Variants in PLCB1 observed in about 807,000 individuals in gnomAD.
The protein encoded by PLCB1 is 1-phosphatidylinositol 4,5-bisphosphate phosphodiesterase beta-1.
A neutral mutation model predicts 161.8 loss-of-function variants in PLCB1; 46 were observed. The observed-to-expected ratio is 0.28, with a 90% confidence interval of 0.22 to 0.36. PLCB1 has a LOEUF of 0.36. Among genes scored for constraint, PLCB1 ranks in the 10% least tolerant of loss-of-function variants. The pLI is 1.00. For missense variants in PLCB1, 1,016 were observed against 1,472.5 expected, an observed-to-expected ratio of 0.69 and a Z score of 5.07; for synonymous variants, 517 against 503.7, an observed-to-expected ratio of 1.03 and a Z score of -0.35.
chr20:8,668,779 G>C (rs1196057802), intron 9 of PLCB1, among the ~76,000 whole-genome samples: 1 of 152,170 alleles, frequency 6.6e-6, no homozygotes, highest in Non-Finnish European at 1.5e-5. Context: ...CAGCCCAGCT[G>C]TATCTCCTGG....
chr20:8,762,917 C>T (rs1031452242), intron 25 of PLCB1, among the ~76,000 whole-genome samples: 1 of 152,104 alleles, frequency 6.6e-6, no homozygotes, highest in African/African-American at 2.4e-5. Context: ...TTGATAGTTT[C>T]AAATATTTAT....
intron 3 of PLCB1, among the ~76,000 whole-genome samples, chr20:8,618,887 A>G (rs1042500336): frequency 2.0e-5 from 3 of 152,192 alleles, no homozygotes; most frequent in Non-Finnish European, 2.9e-5. Flanking sequence ...ATTTTTATGT[A>G]TTATAGAATA....
intron 3 of PLCB1, among the ~76,000 whole-genome samples, chr20:8,541,614 A>G (rs865905570): frequency 6.6e-6 from 1 of 152,306 alleles, no homozygotes; most frequent in South Asian, 2.1e-4. Flanking sequence ...GAAAGGAAGG[A>G]AGATAGTAAT....
chr20:8,685,778 A>G lies in PLCB1; in HGVS notation c.1009+700A>G, dbSNP rs538806738. On this transcript the variant is annotated intron_variant, in intron 10 of 31. Transcript: ENST00000338037. ...GAATTAAGTAATTGCTTTTTGTTCA[A>G]GGTAGGACAGGGCTTTAGACAAAAA... Among the ~76,000 whole-genome samples the G allele has an allele frequency of 1.5e-4, 23 of 152,146 alleles. 1 individual carries two copies. In the South Asian group the frequency reaches 4.6e-3, roughly 30 times the overall value.
Position 8,767,869 on chromosome 20 carries a change from T to A in PLCB1, c.2930+2511T>A, listed in dbSNP as rs542216584. The stretch of plus-strand genomic sequence containing the variant: ...ACAATAAAAATGTATTTTCTCACAG[T>A]TTTGGAGGCTAGGAATTCAAAATCA... On this transcript the variant is annotated intron_variant, in intron 26 of 31. Transcript: ENST00000338037. Among the ~76,000 whole-genome samples, 4 of 152,228 alleles carry A rather than the reference T, an allele frequency of 2.6e-5. No individual in the cohort carries two copies. The South Asian group carries it at 8.3e-4, about 32-fold the overall frequency.
chr20:8,658,794 G>A (rs1989541356), intron 9 of PLCB1, 90 bp downstream of exon 9: 2 of 1,115,232 alleles, frequency 1.8e-6, no homozygotes, highest in African/African-American at 1.6e-5. Context: ...GTGATCGTTA[G>A]GTTAGTTTCC....
chr20:8,490,750 A>G (rs981316452), intron 3 of PLCB1, among the ~76,000 whole-genome samples: 65 of 151,920 alleles, frequency 4.3e-4, no homozygotes, highest in African/African-American at 1.5e-3. Context: ...TCTAGTGCTT[A>G]TTTGCCATCC....
intron 2 of PLCB1, among the ~76,000 whole-genome samples, chr20:8,155,103 T>G (rs1313738667): frequency 6.6e-6 from 1 of 152,214 alleles, no homozygotes; most frequent in African/African-American, 2.4e-5. Context: ...CTACCTGGTT[T>G]GGATGGCCCA....
At chr20:8,269,338 G>C (rs2123259887) in intron 2 of PLCB1, among the ~76,000 whole-genome samples, 1 of 151,914 alleles carries the variant, frequency 6.6e-6, no homozygotes, top group South Asian at 2.1e-4. Context: ...TGCAGTGTTT[G>C]GTTTTTCGTT....
At chr20:8,377,800 T>C (rs1412573294) in intron 3 of PLCB1, among the ~76,000 whole-genome samples, 1 of 152,016 alleles carries the variant, frequency 6.6e-6, no homozygotes, top group African/African-American at 2.4e-5. Flanking sequence ...CAGAATTTGG[T>C]TCTGGATATT....
chr20:8,261,798 TTTC>T lies in PLCB1; in HGVS notation c.178-109578_178-109576del, dbSNP rs1364433469. Among the ~76,000 whole-genome samples the T allele has an allele frequency of 3.3e-5, 5 of 152,272 alleles. No individual in the cohort carries two copies. In the East Asian group the frequency reaches 7.7e-4, roughly 24 times the overall value. On this transcript the variant is annotated intron_variant, in intron 2 of 31. Coordinates refer to ENST00000338037, the MANE Select transcript of PLCB1 (RefSeq NM_015192.4). ...GACAAATGAAGACAGAAAACTTACTTTTCTTCTTAAACCAAGAGGATAAGCATT... is the reference window on the plus strand; with the variant it reads ...GACAAATGAAGACAGAAAACTTACTTTTCTTAAACCAAGAGGATAAGCATT...
chr20:8,224,276 T>TC (rs1979560484), intron 2 of PLCB1, among the ~76,000 whole-genome samples: 1 of 152,172 alleles, frequency 6.6e-6, no homozygotes, highest in Admixed American at 6.6e-5. Flanking sequence ...AAATTAAAAA[T>TC]GATCGTATCT....
At chr20:8,623,493 A>G (rs1488340758) in intron 3 of PLCB1, among the ~76,000 whole-genome samples, 1 of 152,098 alleles carries the variant, frequency 6.6e-6, no homozygotes, top group Non-Finnish European at 1.5e-5. Context: ...TCATTATTCC[A>G]TCCCAAAACA....
intron 9 of PLCB1, among the ~76,000 whole-genome samples, chr20:8,662,686 A>C (rs1014464728): frequency 6.6e-6 from 1 of 150,998 alleles, no homozygotes; most frequent in Non-Finnish European, 1.5e-5. Context: ...CGTTGTTAAA[A>C]TGCAGATTCG....
chr20:8,477,429 A>G (rs1259421779), intron 3 of PLCB1, among the ~76,000 whole-genome samples: 2 of 152,216 alleles, frequency 1.3e-5, no homozygotes, highest in Non-Finnish European at 2.9e-5. Context: ...TTCCTGAGGC[A>G]TCTGAAATAG....
At chr20:8,856,057 C>T (rs994530896) in intron 31 of PLCB1, among the ~76,000 whole-genome samples, 1 of 152,134 alleles carries the variant, frequency 6.6e-6, no homozygotes, top group Non-Finnish European at 1.5e-5. Flanking sequence ...ACTGGTTTCT[C>T]CCCCTCTGGT....
chr20:8,480,766 C>T (rs867222240), intron 3 of PLCB1, among the ~76,000 whole-genome samples: 2 of 152,176 alleles, frequency 1.3e-5, no homozygotes, highest in African/African-American at 4.8e-5. Flanking sequence ...AGCAGACTTA[C>T]AAAACTACCT....
intron 31 of PLCB1, among the ~76,000 whole-genome samples, chr20:8,805,336 A>C (rs913236642): frequency 1.5e-4 from 23 of 152,354 alleles, no homozygotes; most frequent in African/African-American, 4.8e-4. Flanking sequence ...TGTATACATA[A>C]GTCTTTAGAT....
intron 6 of PLCB1, among the ~76,000 whole-genome samples, chr20:8,648,873 G>A (rs887578014): frequency 1.3e-5 from 2 of 151,402 alleles, no homozygotes; most frequent in African/African-American, 2.4e-5. Flanking sequence ...CATGGGAAGT[G>A]GAGACTGCAG....
Sources: gnomAD v4.1 joint callset for allele counts (sites outside exome capture counted in the v4.1 genomes callset) on GRCh38, gnomAD v4.1.1 for gene constraint, MANE v1.5 for transcripts, NCBI Gene and HGNC (gene_info 2026-07-23, HGNC 2026-07-21) for gene names.